The following PIK3C2G variants were observed in gnomAD, a reference collection of about 807,000 sequenced individuals.
PIK3C2G encodes phosphatidylinositol-4-phosphate 3-kinase catalytic subunit type 2 gamma.
PIK3C2G carries 168 observed loss-of-function variants against 181.1 expected under a neutral mutation model. The observed-to-expected ratio is 0.93, with a 90% CI of 0.82 to 1.05. The LOEUF is 1.05. Among genes scored for constraint, PIK3C2G ranks in the 50% least tolerant of loss-of-function variants. The pLI is 0.00. For missense variants in PIK3C2G, 1,869 were observed against 1,732.8 expected (o/e 1.08, Z -1.40); for synonymous variants, 573 against 592.2 (o/e 0.97, Z 0.47).
At chr12:18,626,042 T>C (rs1949082886) in intron 31 of PIK3C2G, among the ~76,000 whole-genome samples, 1 of 151,148 alleles carries the variant, frequency 6.6e-6, no homozygotes, top group African/African-American at 2.4e-5. Flanking sequence ...AGGTAAAGAC[T>C]TACTAGTATC....
At chr12:18,686,514 G>A in the PIK3C2G span, among the ~76,000 whole-genome samples, 1 of 151,150 alleles carries the variant, frequency 6.6e-6, no homozygotes, top group South Asian at 2.1e-4. Flanking sequence ...TAGGACTTGT[G>A]TTCTGTCTCT....
intron 31 of PIK3C2G, among the ~76,000 whole-genome samples, chr12:18,623,357 G>A (rs957917435): frequency 3.3e-5 from 5 of 151,486 alleles, no homozygotes; most frequent in Non-Finnish European, 7.4e-5. Flanking sequence ...CTGTACATGT[G>A]GGGGTTCTTG....
the PIK3C2G span, among the ~76,000 whole-genome samples, chr12:18,697,411 C>A: frequency 1.3e-5 from 2 of 152,214 alleles, no homozygotes; most frequent in South Asian, 2.1e-4. Flanking sequence ...CTAGTCCTAA[C>A]AGATGTCTGT....
chr12:18,428,368 T>A (rs1482133149), intron 18 of PIK3C2G, among the ~76,000 whole-genome samples: 1 of 151,426 alleles, frequency 6.6e-6, no homozygotes, highest in African/African-American at 2.4e-5. Flanking sequence ...CCATCAGTCA[T>A]GAGTTTATGA....
the PIK3C2G span, among the ~76,000 whole-genome samples, chr12:18,709,220 G>A: frequency 1.5e-4 from 22 of 149,378 alleles, no homozygotes; most frequent in Non-Finnish European, 2.2e-4. Context: ...GTCTAATTTC[G>A]TTCTTTAGCA....
intron 14 of PIK3C2G, among the ~76,000 whole-genome samples, chr12:18,390,780 G>T (rs976950701): frequency 6.6e-6 from 1 of 151,934 alleles, no homozygotes; most frequent in Non-Finnish European, 1.5e-5. Context: ...TTTTAACACC[G>T]AAATGTAAAA....
chr12:18,531,639 A>G (rs2136218361), intron 24 of PIK3C2G, among the ~76,000 whole-genome samples: 1 of 152,314 alleles, frequency 6.6e-6, no homozygotes, highest in East Asian at 1.9e-4. Flanking sequence ...TGCAGTATGC[A>G]ATTTTTATTG....
intron 31 of PIK3C2G, among the ~76,000 whole-genome samples, chr12:18,627,486 G>A (rs1288047375): frequency 6.6e-6 from 1 of 152,010 alleles, no homozygotes; most frequent in Non-Finnish European, 1.5e-5. Context: ...ATTTGTGGAG[G>A]CAGCCACCTT....
chr12:18,559,837 G>C (rs1273847014), intron 26 of PIK3C2G, among the ~76,000 whole-genome samples: 1 of 117,012 alleles, frequency 8.5e-6, no homozygotes, highest in Non-Finnish European at 1.8e-5. Context: ...GAGAGAGAGA[G>C]AGAGAGAGAG....
chr12:18,499,212 A>G (rs1941237995), intron 22 of PIK3C2G, among the ~76,000 whole-genome samples: 1 of 152,242 alleles, frequency 6.6e-6, no homozygotes, highest in Non-Finnish European at 1.5e-5. Flanking sequence ...GTCTACCAAC[A>G]ACAACCTTCA....
At chr12:18,286,444 G>C (rs1378434516) in intron 2 of PIK3C2G, among the ~76,000 whole-genome samples, 1 of 152,018 alleles carries the variant, frequency 6.6e-6, no homozygotes, top group African/African-American at 2.4e-5. Context: ...TGATATGTGT[G>C]ATAGCAGAAA....
At position 18,447,616 on chromosome 12, in the gene PIK3C2G, A is replaced by C. The variant is rs551667865; in HGVS notation, c.2504+23577A>C. ...TATGTTACGAGGGAGTATTCTGAAA[A>C]TGTTATGTTTGTTTGGATATGTTTT... On this transcript the variant is annotated intron_variant, in intron 18 of 32. Coordinates refer to ENST00000538779, the MANE Select transcript of PIK3C2G (RefSeq NM_001288772.2). Among the ~76,000 whole-genome samples the C allele has an allele frequency of 7.9e-5, 12 of 152,278 alleles. No homozygotes were observed. In the East Asian group the frequency reaches 2.3e-3, roughly 29 times the overall value.
the PIK3C2G span, among the ~76,000 whole-genome samples, chr12:18,725,714 G>C: frequency 0.2 from 30,416 of 151,972 alleles, 3,229 homozygotes; most frequent in East Asian, 0.32. Context: ...CAGGTGCTCT[G>C]AATTAGTTGC....
At chr12:18,683,244 T>C in the PIK3C2G span, 2 of 1,612,366 alleles carry the variant, frequency 1.2e-6, no homozygotes, top group East Asian at 4.5e-5. Flanking sequence ...AGCTGTTATC[T>C]GACGTACCAA....
chr12:18,685,889 TTA>T, the PIK3C2G span, among the ~76,000 whole-genome samples: 1 of 134,932 alleles, frequency 7.4e-6, no homozygotes, highest in Non-Finnish European at 1.6e-5. Flanking sequence ...TATGGATTAA[TTA>T]TAAGAGAAAG....
intron 2 of PIK3C2G, among the ~76,000 whole-genome samples, chr12:18,283,975 A>G (rs1173498518): frequency 1.3e-5 from 2 of 152,132 alleles, no homozygotes; most frequent in Non-Finnish European, 2.9e-5. Context: ...TTTGAGCAGC[A>G]GTATCACTGA....
intron 1 of PIK3C2G, among the ~76,000 whole-genome samples, chr12:18,253,306 G>A (rs1162534826): frequency 6.6e-6 from 1 of 152,056 alleles, no homozygotes; most frequent in Non-Finnish European, 1.5e-5. Flanking sequence ...TATAGTCACG[G>A]TAGAAGTAAT....
At chr12:18,485,837 T>C (rs1453545642) in intron 18 of PIK3C2G, among the ~76,000 whole-genome samples, 2 of 152,200 alleles carry the variant, frequency 1.3e-5, no homozygotes, top group Non-Finnish European at 2.9e-5. Context: ...ACGGCATCTT[T>C]TGAAAAGAAT....
chr12:18,562,908 G>A lies in PIK3C2G; in HGVS notation c.3780+16G>A, dbSNP rs75425813. ...ATCCAGTAATGTAAGTTTAAAGTCC[G>A]TCATCTTGACTTACGTATCACTTGA... On this transcript the variant is annotated intron_variant, in intron 27 of 32. Coordinates refer to ENST00000538779, the MANE Select transcript of PIK3C2G (RefSeq NM_001288772.2). The A allele has an allele frequency of 0.017, 27,135 of 1,554,236 alleles. 748 individuals are homozygous for A. The highest frequency in any genetic ancestry group is 0.12 in the African/African-American group (9,165 of 73,714).
Sources: gnomAD v4.1 joint callset for allele counts (sites outside exome capture counted in the v4.1 genomes callset) on GRCh38, gnomAD v4.1.1 for gene constraint, MANE v1.5 for transcripts, NCBI Gene and HGNC (gene_info 2026-07-23, HGNC 2026-07-21) for gene names.